The following ZFC3H1 variants were observed in gnomAD, a reference collection of about 807,000 sequenced individuals.
ZFC3H1 encodes the protein zinc finger C3H1 domain-containing protein.
ZFC3H1 carries 71 observed loss-of-function variants against 243.7 expected under a neutral mutation model. The ratio of observed to expected loss-of-function variants is 0.29; its 90% CI spans 0.24 to 0.36. The LOEUF is 0.36. Ranked by LOEUF, ZFC3H1 falls within the 10% of genes least tolerant of loss-of-function variation. The pLI, the probability that ZFC3H1 is intolerant of heterozygous loss-of-function variation, is 1.00. For synonymous variants in ZFC3H1, 838 were observed against 813.0 expected (o/e 1.03, Z -0.52); for missense variants, 1,966 against 2,317.1 (o/e 0.85, Z 3.11).
At position 71,611,104 on chromosome 12, in the gene ZFC3H1, GA is replaced by G. The variant is rs566085973; in HGVS notation, c.5730-8del. ...AATCTCAGCAGCAATGGCTCTAAGAGAAAAAAAAAAAAAAAGAAATATAGAA... is the reference window on the plus strand; with the variant it reads ...AATCTCAGCAGCAATGGCTCTAAGAGAAAAAAAAAAAAAAGAAATATAGAA... On this transcript the variant is annotated splice_polypyrimidine_tract_variant and splice_region_variant and intron_variant, in intron 32 of 34. Transcript: ENST00000378743. The G allele has an allele frequency of 0.029, 36,400 of 1,238,246 alleles. 74 individuals carry two copies. The highest frequency in any genetic ancestry group is 0.12 in the African/African-American group (5,868 of 49,878). The allele number at this position is 1,238,246 out of a possible 1,614,324, so 76.7% of individuals were successfully genotyped here. A position where few individuals can be genotyped will look rare whatever the true frequency, so the allele number is the denominator to read the frequency against.
At chr12:71,656,366 TG>T (rs1791683554) in intron 2 of ZFC3H1, 2 of 449,702 alleles carry the variant, frequency 4.4e-6, no homozygotes, top group African/African-American at 4.0e-5. Context: ...TATCATAAAC[TG>T]TATTAAACGC....
In ZFC3H1 at chr12:71,657,053, T is replaced by C; in HGVS notation, c.847A>G (p.Lys283Glu). Residue 283 changes from lysine (K) to glutamate (E), a missense_variant, in exon 2 of 35, where the codon AAA (lysine) becomes GAA (glutamate). By Grantham distance (56) the Lys-to-Glu change is moderately conservative. This residue lies in a region of ZFC3H1 where 484 missense variants were observed against 449.7 expected (regional missense o/e 1.08). Transcript: ENST00000378743. ...GTTTTCTCCTCAGGAGCTACTTCTT[T>C]ACTTGAATCCTTTGTAATACTGACA... ...DNVSITKDSS[K>E]EVAPEEKTQV... The C allele has an allele frequency of 6.2e-7, 1 of 1,613,916 alleles. No individual in the cohort carries two copies.
At position 71,632,385 on chromosome 12, in the gene ZFC3H1, A is replaced by AT; in HGVS notation, c.2946dup (p.Leu983IlefsTer8). The AT allele has an allele frequency of 6.2e-7, 1 of 1,613,202 alleles. No homozygotes were observed. The highest frequency in any genetic ancestry group is 8.5e-7 in the Non-Finnish European group (1 of 1,179,806). On this transcript the variant is annotated frameshift_variant, in exon 15 of 35. Transcript: ENST00000378743. LOFTEE classifies it high-confidence loss of function. ...GCTTTAAGGGCACGGGCTTCTTTTA[A>AT]TTTTTGAATTTTCAGGGCATATTCA...
rs985000435 is a variant in ZFC3H1 at position 71,629,030 on chromosome 12, T to C, written c.3834A>G (p.Pro1278=). Reference sequence around the variant, plus strand: ...TTCTTTTATCTTTGTAGGTTGTAAATGGAGGAGCTAAAGTAGATAGGAGAA... The same window carrying C: ...TTCTTTTATCTTTGTAGGTTGTAAACGGAGGAGCTAAAGTAGATAGGAGAA... ...NINESKGHTP[P]FTTYKDKRKW... The change falls in exon 20 of 35, where the codon CCA becomes CCG. Residue 1278 remains proline, a synonymous_variant. Coordinates refer to ENST00000378743, the MANE Select transcript of ZFC3H1 (RefSeq NM_144982.5). 9 of 1,609,064 alleles carry C rather than the reference T, an allele frequency of 5.6e-6. No individual in the cohort carries two copies. Among genetic ancestry groups the C allele is most frequent in the Non-Finnish European group, 7.6e-6 (9 of 1,178,646 alleles).
chr12:71,624,137 A>G lies in ZFC3H1; in HGVS notation c.4473T>C (p.Thr1491=). 6.2e-7 allele frequency: 1 copy of G among 1,612,856 alleles called. No individual in the cohort carries two copies. ...TTGCCAGTGCACTTTGGCATCTTCC[A>G]GTAAATATGTGCAGCTGAACTCTAA... is the stretch of plus-strand genomic sequence containing the variant. ...LLFRVQLHIF[T]GRCQSALAIL... is the part of the protein sequence containing the mutation. Residue 1491 remains threonine, a synonymous_variant, in exon 23 of 35, where the codon ACT becomes ACC. Transcript: ENST00000378743.
At chr12:71,642,409 A>T in intron 6 of ZFC3H1, 27 bp downstream of exon 6, 1 of 1,602,898 alleles carries the variant, frequency 6.2e-7, no homozygotes, top group Admixed American at 1.7e-5. Flanking sequence ...ATGTAAATAC[A>T]CAAAGGTTTC....
At position 71,634,142 on chromosome 12, in the gene ZFC3H1, T is replaced by C. The variant is rs1397865669; in HGVS notation, c.2510+13A>G. The C allele has an allele frequency of 1.2e-6, 2 of 1,607,880 alleles. No homozygotes were observed. The highest frequency in any genetic ancestry group is 8.5e-7 in the Non-Finnish European group (1 of 1,177,470). ...ACAGGAACAATTAGATATGTGAAGA[T>C]AACAAGGCTCACCTATGTTTTTTCA... On this transcript the variant is annotated intron_variant, in intron 12 of 34. Transcript: ENST00000378743.
chr12:71,630,798 C>T, intron 17 of ZFC3H1, 25 bp downstream of exon 17: 2 of 1,608,116 alleles, frequency 1.2e-6, no homozygotes, highest in Non-Finnish European at 1.7e-6. Context: ...TTTCAAATTA[C>T]AAAATGTTCA....
chr12:71,650,029 A>G (rs1176243932), intron 2 of ZFC3H1, among the ~76,000 whole-genome samples: 2 of 152,220 alleles, frequency 1.3e-5, no homozygotes, highest in Non-Finnish European at 2.9e-5. Flanking sequence ...TCTACCAAAA[A>G]TACAAAAAAT....
At chr12:71,632,630 T>C (rs368834824) in intron 14 of ZFC3H1, 116 bp from the exon 15 acceptor site, 1 of 1,321,738 alleles carries the variant, frequency 7.6e-7, no homozygotes, top group Non-Finnish European at 1.0e-6. Context: ...ACTAAATCAA[T>C]ATGGAGAATA....
At chr12:71,626,583 G>A (rs1292258959) in intron 21 of ZFC3H1, 137 bp from the exon 22 acceptor site, 3 of 762,670 alleles carry the variant, frequency 3.9e-6, no homozygotes, top group East Asian at 2.8e-5. Context: ...CTTATGAAAA[G>A]GGGTACTAGA....
chr12:71,648,930 A>G (rs1161773651), intron 2 of ZFC3H1, among the ~76,000 whole-genome samples: 1 of 152,028 alleles, frequency 6.6e-6, no homozygotes, highest in Non-Finnish European at 1.5e-5. Flanking sequence ...TCTCTACTGA[A>G]AATACAAAAA....
In ZFC3H1 at chr12:71,632,074, T is replaced by C; in HGVS notation, c.3258A>G (p.Leu1086=). ...TVEKPELFLG[L]KIGELQKLYS... is the part of the protein sequence containing the mutation. The stretch of plus-strand genomic sequence containing the variant: ...ACAATTTTTGCAATTCACCAATTTT[T>C]AACCCTAGAAAAAGTTCTGGTTTTT... The change falls in exon 15 of 35, where the codon TTA becomes TTG. Residue 1086 remains leucine, a synonymous_variant. Coordinates refer to ENST00000378743, the MANE Select transcript of ZFC3H1 (RefSeq NM_144982.5). 1 of 1,609,956 alleles carries C rather than the reference T, an allele frequency of 6.2e-7. No homozygotes were observed. The highest frequency in any genetic ancestry group is 8.5e-7 in the Non-Finnish European group (1 of 1,178,932).
intron 1 of ZFC3H1, among the ~76,000 whole-genome samples, chr12:71,661,916 T>C (rs1881187533): frequency 6.6e-6 from 1 of 152,240 alleles, no homozygotes; most frequent in African/African-American, 2.4e-5. Flanking sequence ...CCCTTTTACA[T>C]CATGACATTT....
At chr12:71,640,352 T>C (rs1880570524) in intron 6 of ZFC3H1, among the ~76,000 whole-genome samples, 1 of 152,194 alleles carries the variant, frequency 6.6e-6, no homozygotes, top group African/African-American at 2.4e-5. Flanking sequence ...GGAAAGAAGC[T>C]GACAGAACTT....
intron 20 of ZFC3H1, 68 bp from the exon 21 acceptor site, chr12:71,628,002 A>C: frequency 6.9e-7 from 1 of 1,450,842 alleles, no homozygotes; most frequent in African/African-American, 1.4e-5. Flanking sequence ...AAAAGAAAAC[A>C]ATTGGTCTCA....
rs773434031 is a variant in ZFC3H1, at chr12:71,627,861, A to G, written c.4020T>C (p.Phe1340=). The part of the protein sequence containing the change: ...TVVTPDDVRY[F]TNETDDIANL... The stretch of plus-strand genomic sequence containing the variant: ...TAGCGATGTCATCAGTCTCATTTGT[A>G]AAGTATCTGACATCATCTGGAGTGA... Residue 1340 remains phenylalanine (F), a synonymous_variant, in exon 21 of 35, where the codon TTT becomes TTC. Transcript: ENST00000378743. The G allele has an allele frequency of 6.2e-7, 1 of 1,613,898 alleles. No individual in the cohort carries two copies. The highest frequency in any genetic ancestry group is 8.5e-7 in the Non-Finnish European group (1 of 1,179,904).
At chr12:71,629,541 CAGAA>C in intron 19 of ZFC3H1, 64 bp downstream of exon 19, 1 of 980,178 alleles carries the variant, frequency 1.0e-6, no homozygotes, top group Middle Eastern at 2.7e-4. Flanking sequence ...AAGTCCTTTT[CAGAA>C]AGAGATACAG....
chr12:71,613,082 C>A (rs1879811881), intron 31 of ZFC3H1, among the ~76,000 whole-genome samples: 1 of 152,148 alleles, frequency 6.6e-6, no homozygotes, highest in Admixed American at 6.5e-5. Context: ...GTTTAGGGAA[C>A]ACAGATGAAC....
Sources: allele counts gnomAD v4.1 joint callset (sites outside exome capture counted in the v4.1 genomes callset), GRCh38; gene constraint gnomAD v4.1.1; regional missense constraint gnomAD v4.1.1; transcripts MANE v1.5; gene names NCBI Gene and HGNC (gene_info 2026-07-23, HGNC 2026-07-21).